Variants in HERC6 observed in about 807,000 individuals in gnomAD.
The protein encoded by HERC6 is probable E3 ubiquitin-protein ligase HERC6.
Under a neutral mutation model 114.5 loss-of-function variants are expected in HERC6, and 101 were observed. The observed-to-expected ratio is 0.88, with a 90% confidence interval of 0.75 to 1.04. HERC6 has a LOEUF of 1.04. Among genes scored for constraint, HERC6 ranks in the 50% least tolerant of loss-of-function variants. The pLI, the probability that HERC6 is intolerant of heterozygous loss-of-function variation, is 0.00. For synonymous variants in HERC6, 408 were observed against 436.2 expected, an observed-to-expected ratio of 0.94 and a Z score of 0.81; for missense variants, 1,133 against 1,230.9, an observed-to-expected ratio of 0.92 and a Z score of 1.19.
intron 16 of HERC6, among the ~76,000 whole-genome samples, chr4:88,430,594 A>G (rs1290665232): frequency 6.6e-6 from 1 of 150,544 alleles, no homozygotes; most frequent in African/African-American, 2.5e-5. Flanking sequence ...ATAAATAAAT[A>G]AATAAATAAA....
In HERC6 at chr4:88,440,184, CCTA is replaced by C; in HGVS notation, c.2780_2782del (p.Thr927del). On this transcript the variant is annotated inframe_deletion, in exon 22 of 23. Coordinates refer to ENST00000264346, the MANE Select transcript of HERC6 (RefSeq NM_017912.4). ...TGAGCAAGGATACCAAAAATCACAT[CCTA>C]CTATACAGTTGTTTTGGAAGGCTTT... 2 of 1,609,008 alleles carry C rather than the reference CCTA, an allele frequency of 1.2e-6. No homozygotes were observed. The highest frequency in any genetic ancestry group is 1.7e-6 in the Non-Finnish European group (2 of 1,177,268).
intron 1 of HERC6, among the ~76,000 whole-genome samples, chr4:88,380,096 T>TATATATATAATATATAA (rs1578361719): frequency 6.7e-5 from 1 of 14,902 alleles, no homozygotes; most frequent in Non-Finnish European, 1.0e-4. Flanking sequence ...AATATATAAA[T>TATATATATAATATATAA]ATATATATAA....
chr4:88,425,643 T>G (rs2148963139), intron 15 of HERC6, among the ~76,000 whole-genome samples: 1 of 152,354 alleles, frequency 6.6e-6, no homozygotes, highest in South Asian at 2.1e-4. Context: ...GTTTTCCACT[T>G]ACTTTCACCC....
intron 8 of HERC6, 46 bp downstream of exon 8, chr4:88,398,255 A>G (rs923265726): frequency 1.7e-6 from 2 of 1,205,788 alleles, no homozygotes; most frequent in African/African-American, 1.6e-5. Context: ...TTTTTTCTCA[A>G]GATTTCAGAC....
rs371364957 is a variant in HERC6 at position 88,384,333 on chromosome 4, C to T, written c.359+953C>T. On this transcript the variant is annotated intron_variant, in intron 2 of 22. Coordinates refer to ENST00000264346, the MANE Select transcript of HERC6 (RefSeq NM_017912.4). ...ATCTATTGTCAGTTAATTTGCAAGC[C>T]CCCAAATATTGGACCAAAGGTGGAA... Among the ~76,000 whole-genome samples, 18 of 152,190 alleles carry T rather than the reference C, an allele frequency of 1.2e-4. No individual in the cohort carries two copies. In the East Asian group the frequency reaches 3.3e-3, roughly 28 times the overall value.
chr4:88,426,114 C>A (rs1029433529), intron 15 of HERC6, among the ~76,000 whole-genome samples: 2 of 152,158 alleles, frequency 1.3e-5, no homozygotes, highest in Non-Finnish European at 2.9e-5. Context: ...CCTAGACAGA[C>A]AAGGTATATC....
rs1560528190 is a variant in HERC6, at chr4:88,379,884, T to TATATATATAACATATAA, written c.199+774_199+775insCATATAAATATATATAA. Among the ~76,000 whole-genome samples the TATATATATAACATATAA allele has an allele frequency of 1.4e-3, 58 of 40,562 alleles. 8 individuals carry two copies. The highest frequency in any genetic ancestry group is 2.0e-3 in the Non-Finnish European group (52 of 25,764). 26.6% of individuals were successfully genotyped at this position (40,562 alleles called of 152,430 possible). A position where few individuals can be genotyped will look rare whatever the true frequency, so the allele number is the denominator to read the frequency against. ...CATATAAATATATATAATATATAAA[T>TATATATATAACATATAA]ATATATATAATATATAAATATATAT... On this transcript the variant is annotated intron_variant, in intron 1 of 22. Coordinates refer to ENST00000264346, the MANE Select transcript of HERC6 (RefSeq NM_017912.4).
chr4:88,429,583 T>C (rs752681608), intron 16 of HERC6, among the ~76,000 whole-genome samples: 1 of 152,160 alleles, frequency 6.6e-6, no homozygotes, highest in Non-Finnish European at 1.5e-5. Flanking sequence ...CTCTTGAGGC[T>C]ACAGAATAAT....
intron 13 of HERC6, among the ~76,000 whole-genome samples, chr4:88,419,265 G>A (rs565261086): frequency 2.6e-5 from 4 of 152,278 alleles, no homozygotes; most frequent in Non-Finnish European, 4.4e-5. Flanking sequence ...CAACATTAGG[G>A]TCACCAAGAA....
chr4:88,396,839 T>A lies in HERC6; in HGVS notation c.888-12T>A. 6.5e-7 allele frequency: 1 copy of A among 1,544,742 alleles called. No homozygotes were observed. The highest frequency in any genetic ancestry group is 8.8e-7 in the Non-Finnish European group (1 of 1,140,902). On this transcript the variant is annotated splice_polypyrimidine_tract_variant and intron_variant, in intron 6 of 22. Transcript: ENST00000264346. ...CCTTAGTCTTCATTATGGTGTATTCTCTTTCCTGTAGTTATCACACCCTGG... is the reference window on the plus strand; with the variant it reads ...CCTTAGTCTTCATTATGGTGTATTCACTTTCCTGTAGTTATCACACCCTGG...
Position 88,390,821 on chromosome 4 carries a change from G to A in HERC6, c.606G>A (p.Ser202=), listed in dbSNP as rs370581077. ...HSFALSLCGT[S]FGWGSNSAGQ... is the part of the protein sequence containing the mutation. ...TTGCCCTGTCTCTCTGTGGGACTTC[G>A]TTTGGCTGGGGAAGTAACAGTGCCG... The change falls in exon 4 of 23, where the codon TCG becomes TCA. Residue 202 remains serine (S), a synonymous_variant. Transcript: ENST00000264346. 1.5e-5 allele frequency: 24 copies of A among 1,614,094 alleles called. No homozygotes were observed. The East Asian group carries it at 1.6e-4, about 10-fold the overall frequency.
chr4:88,412,875 G>A (rs1736196571), intron 11 of HERC6, among the ~76,000 whole-genome samples: 1 of 152,220 alleles, frequency 6.6e-6, no homozygotes, highest in Non-Finnish European at 1.5e-5. Context: ...TATAAAATGA[G>A]GAGGATGGCT....
intron 10 of HERC6, among the ~76,000 whole-genome samples, chr4:88,406,107 T>G (rs774678752): frequency 6.6e-6 from 1 of 152,244 alleles, no homozygotes; most frequent in Non-Finnish European, 1.5e-5. Context: ...AATATTTGGG[T>G]CTTCTATTTC....
In HERC6 at chr4:88,390,673, G is replaced by A; in HGVS notation, c.458G>A (p.Gly153Glu). 1 of 1,605,162 alleles carries A rather than the reference G, an allele frequency of 6.2e-7. No individual in the cohort carries two copies. The highest frequency in any genetic ancestry group is 8.5e-7 in the Non-Finnish European group (1 of 1,172,922). Reference protein sequence around the residue: ...LSKDSQVFSWGKNSHGQLGLG... With the variant: ...LSKDSQVFSWEKNSHGQLGLG... ...GTAGATAGCCAAGTGTTTTCGTGGG[G>A]AAAGAACAGCCATGGGCAGCTGGGC... Residue 153 changes from glycine (G) to glutamate (E), a missense_variant, in exon 4 of 23, where the codon GGA becomes GAA. Physicochemically the swap from Gly to Glu is moderately conservative, Grantham distance 98 (BLOSUM62 -2). This residue lies in a region of HERC6 where 735 missense variants were observed against 754.0 expected (regional missense o/e 0.97). Coordinates refer to ENST00000264346, the MANE Select transcript of HERC6 (RefSeq NM_017912.4).
intron 9 of HERC6, among the ~76,000 whole-genome samples, chr4:88,405,258 G>A (rs1735764374): frequency 6.6e-6 from 1 of 152,088 alleles, no homozygotes; most frequent in Non-Finnish European, 1.5e-5. Context: ...TTAATAAGGT[G>A]GACTGTTTTC....
intron 8 of HERC6, chr4:88,399,179 G>T (rs573526615): frequency 6.6e-6 from 1 of 152,106 alleles, no homozygotes; most frequent in Non-Finnish European, 1.5e-5. Context: ...CATTCCTGAC[G>T]ACAGGAAAAA....
At chr4:88,384,641 G>T (rs960918590) in intron 2 of HERC6, among the ~76,000 whole-genome samples, 1 of 152,120 alleles carries the variant, frequency 6.6e-6, no homozygotes, top group Non-Finnish European at 1.5e-5. Flanking sequence ...ATTGAACTTG[G>T]AATGAAAAGA....
intron 13 of HERC6, among the ~76,000 whole-genome samples, chr4:88,419,822 T>G (rs1467509694): frequency 2.0e-5 from 3 of 152,188 alleles, no homozygotes; most frequent in Non-Finnish European, 4.4e-5. Flanking sequence ...TGGAATGGTC[T>G]CTAGTATTGT....
At chr4:88,431,861 A>G (rs1345207502) in intron 17 of HERC6, among the ~76,000 whole-genome samples, 3 of 152,216 alleles carry the variant, frequency 2.0e-5, no homozygotes, top group Non-Finnish European at 4.4e-5. Context: ...TACAGGTGTG[A>G]GCCACCACGC....
Sources: allele counts gnomAD v4.1 joint callset (sites outside exome capture counted in the v4.1 genomes callset), GRCh38; gene constraint gnomAD v4.1.1; regional missense constraint gnomAD v4.1.1; transcripts MANE v1.5; gene names NCBI Gene and HGNC (gene_info 2026-07-23, HGNC 2026-07-21).